SCUBE3: variants seen among roughly 807,000 people sequenced by gnomAD.
SCUBE3 encodes signal peptide, CUB and EGF-like domain-containing protein 3.
In SCUBE3, 33 loss-of-function variants were observed where a neutral mutation model predicts 116.8. The observed-to-expected ratio is 0.28, with a 90% CI of 0.21 to 0.38. The LOEUF (loss-of-function observed/expected upper bound fraction) is 0.38. Ranked by LOEUF, SCUBE3 falls within the 10% of genes least tolerant of loss-of-function variation. The probability of loss-of-function intolerance (pLI) is 1.00; values close to 1 mark genes in which losing one functional copy is unlikely to be tolerated. For synonymous variants in SCUBE3, 418 were observed against 496.9 expected (o/e 0.84, Z 2.11); for missense variants, 1,007 against 1,324.8 (o/e 0.76, Z 3.72).
rs1783411528 is a variant in SCUBE3 at position 35,228,444 on chromosome 6, G to GA, written c.209-169dup. ...TGTACAATGGTAATTAGAAAGACTG[G>GA]ATGGAGACCTGAAAATGTTCATGAC... On this transcript the variant is annotated intron_variant, in intron 2 of 21. Coordinates refer to ENST00000274938, the MANE Select transcript of SCUBE3 (RefSeq NM_152753.4). This position sits in a 1 kb window ranked among gnomAD's most constrained non-coding sequence, Gnocchi z 4.9. 6.6e-6 allele frequency among the ~76,000 whole-genome samples: 1 copy of GA among 152,156 alleles called. No homozygotes were observed. Among genetic ancestry groups the GA allele is most frequent in the Non-Finnish European group, 1.5e-5 (1 of 68,028 alleles).
Position 35,241,333 on chromosome 6 carries a change from A to T in SCUBE3, c.1195+67A>T, listed in dbSNP as rs999532731. 1.2e-5 allele frequency: 18 copies of T among 1,509,944 alleles called. No homozygotes were observed. The African/African-American group carries it at 2.3e-4, about 20-fold the overall frequency. The allele number at this position is 1,509,944 out of a possible 1,614,324, so 93.5% of individuals were successfully genotyped here. A position where few individuals can be genotyped will look rare whatever the true frequency, so the allele number is the denominator to read the frequency against. ...TCAGGGAGCAGTTGGGGTTCTGGAA[A>T]GCATAGAGTATCACATTGGGGAAAG... On this transcript the variant is annotated intron_variant, in intron 10 of 21. Coordinates refer to ENST00000274938, the MANE Select transcript of SCUBE3 (RefSeq NM_152753.4). This position sits in a 1 kb window ranked among gnomAD's most constrained non-coding sequence, Gnocchi z 4.1.
intron 1 of SCUBE3, chr6:35,224,746 T>A (rs773903642): frequency 2.6e-5 from 4 of 151,340 alleles, no homozygotes; most frequent in African/African-American, 9.8e-5. Context: ...AAGGAAAGAA[T>A]TGGGAGCCCA....
intron 2 of SCUBE3, 108 bp downstream of exon 2, chr6:35,227,810 T>C: frequency 2.1e-6 from 2 of 972,978 alleles, no homozygotes; most frequent in South Asian, 1.5e-5. Context: ...GAAATTCCAC[T>C]GGTCAAGTGG....
Position 35,239,863 on chromosome 6 carries a change from G to A in SCUBE3, c.941G>A (p.Arg314Lys), listed in dbSNP as rs1300143444. Residue 314 changes from arginine (R) to lysine (K), a missense_variant, in exon 8 of 22, where the codon AGG (arginine) becomes AAG (lysine). Arg to Lys is a conservative substitution (Grantham distance 26). Around this residue, in one of 5 missense-constraint regions of SCUBE3, gnomAD observed 214 missense variants for 316.7 expected, o/e 0.68. Coordinates refer to ENST00000274938, the MANE Select transcript of SCUBE3 (RefSeq NM_152753.4). The surrounding 1 kb of genome is among the most constrained non-coding windows in gnomAD (Gnocchi z 4.1). ...KKGYKLLINE[R>K]NCQDIDECSF... ...GGCTATAAGCTTCTCATCAATGAGA[G>A]GAACTGCCAGGGTGAGCAGACTCAG... 1.2e-6 allele frequency: 2 copies of A among 1,604,898 alleles called. No homozygotes were observed. The highest frequency in any genetic ancestry group is 4.5e-5 in the East Asian group (2 of 44,484).
chr6:35,226,921 G>A (rs1783353414), intron 1 of SCUBE3, among the ~76,000 whole-genome samples: 1 of 152,218 alleles, frequency 6.6e-6, no homozygotes, highest in Non-Finnish European at 1.5e-5. Context: ...AGGGCCTGAA[G>A]GGCTGCACTT....
Position 35,246,040 on chromosome 6 carries a change from A to T in SCUBE3, c.2696A>T (p.Lys899Met). 2 of 1,614,166 alleles carry T rather than the reference A, an allele frequency of 1.2e-6. No homozygotes were observed. Among genetic ancestry groups the T allele is most frequent in the Non-Finnish European group, 1.7e-6 (2 of 1,180,010 alleles). Reference sequence around the variant, plus strand: ...TCCAGGAAGCTCTGGATCAACTTCAAGACAAGCGAGGCCAACAGCGCCCGT... The same window carrying T: ...TCCAGGAAGCTCTGGATCAACTTCATGACAAGCGAGGCCAACAGCGCCCGT... ...ARSRKLWINF[K>M]TSEANSARGF... Residue 899 changes from lysine to methionine, a missense_variant, in exon 20 of 22, where the codon AAG becomes ATG. Transcript: ENST00000274938.
chr6:35,222,120 A>G (rs1297126676), intron 1 of SCUBE3: 3 of 152,118 alleles, frequency 2.0e-5, no homozygotes, highest in East Asian at 1.9e-4. Context: ...CCCCTCCCCT[A>G]TGGGTGGTAA....
chr6:35,228,554 TG>T lies in SCUBE3; in HGVS notation c.209-55del. 6.3e-7 allele frequency: 1 copy of T among 1,593,698 alleles called. No individual in the cohort carries two copies. The highest frequency in any genetic ancestry group is 8.6e-7 in the Non-Finnish European group (1 of 1,165,050). ...GTAAACACAACCATAAGGCTGAGTC[TG>T]GGGGTGGACAGTGGGTTCGCAGGTG... is the stretch of plus-strand genomic sequence containing the variant. On this transcript the variant is annotated intron_variant, in intron 2 of 21. Coordinates refer to ENST00000274938, the MANE Select transcript of SCUBE3 (RefSeq NM_152753.4). The surrounding 1 kb of genome is among the most constrained non-coding windows in gnomAD (Gnocchi z 4.9).
chr6:35,231,696 T>C lies in SCUBE3; in HGVS notation c.335-29T>C, dbSNP rs753954500. ...TACCCTGGACCCTGCCTGTACCCCATGACCCCACTGACTACCTATCCTGCA... is the reference window on the plus strand; with the variant it reads ...TACCCTGGACCCTGCCTGTACCCCACGACCCCACTGACTACCTATCCTGCA... On this transcript the variant is annotated intron_variant, in intron 3 of 21. Transcript: ENST00000274938. The surrounding 1 kb of genome is among the most constrained non-coding windows in gnomAD (Gnocchi z 4.2). 3.2e-6 allele frequency: 5 copies of C among 1,585,270 alleles called. No individual in the cohort carries two copies. The South Asian group carries it at 5.6e-5, about 18-fold the overall frequency.
rs1057189938 is a variant in SCUBE3, at chr6:35,244,917, G to A, written c.2401+106G>A. On this transcript the variant is annotated intron_variant, in intron 18 of 21. Transcript: ENST00000274938. This position sits in a 1 kb window ranked among gnomAD's most constrained non-coding sequence, Gnocchi z 4.3. The stretch of plus-strand genomic sequence containing the variant: ...ACAGGGAGCAGGGCTGGGGGGTGGA[G>A]GAGCAGGAAAACTCCACCTTCCACC... 3 of 1,173,996 alleles carry A rather than the reference G, an allele frequency of 2.6e-6. No homozygotes were observed. The highest frequency in any genetic ancestry group is 2.0e-5 in the Admixed American group (1 of 49,940). The allele number at this position is 1,173,996 out of a possible 1,614,324, so 72.7% of individuals were successfully genotyped here. A position where few individuals can be genotyped will look rare whatever the true frequency, so the allele number is the denominator to read the frequency against.
chr6:35,242,441 GC>G, intron 13 of SCUBE3, 121 bp downstream of exon 13: 1 of 911,592 alleles, frequency 1.1e-6, no homozygotes, highest in South Asian at 1.5e-5. Flanking sequence ...AGAGGAAAAA[GC>G]AGCTGTAGGC....
At chr6:35,237,384 A>C (rs1422288809) in intron 6 of SCUBE3, among the ~76,000 whole-genome samples, 1 of 152,196 alleles carries the variant, frequency 6.6e-6, no homozygotes, top group African/African-American at 2.4e-5. Flanking sequence ...AGGGGAAGAT[A>C]AATTGATGGG....
intron 14 of SCUBE3, 63 bp from the exon 15 acceptor site, chr6:35,242,958 C>T (rs1457291229): frequency 6.4e-7 from 1 of 1,561,440 alleles, no homozygotes; most frequent in African/African-American, 1.4e-5. Flanking sequence ...AGCTTTGCTC[C>T]CCTGCCCTCC....
chr6:35,232,003 T>C lies in SCUBE3; in HGVS notation c.469+144T>C. The C allele has an allele frequency of 1.3e-6, 1 of 742,670 alleles. No homozygotes were observed. The allele number at this position is 742,670 out of a possible 1,614,324, so 46.0% of individuals were successfully genotyped here. On this transcript the variant is annotated intron_variant, in intron 4 of 21. Coordinates refer to ENST00000274938, the MANE Select transcript of SCUBE3 (RefSeq NM_152753.4). This position sits in a 1 kb window ranked among gnomAD's most constrained non-coding sequence, Gnocchi z 4.2. ...CTTGTCCTTCAACTCAATCACACCCTAAAGGATCTAGGAACAGACACCCTG... is the reference window on the plus strand; with the variant it reads ...CTTGTCCTTCAACTCAATCACACCCCAAAGGATCTAGGAACAGACACCCTG...
At position 35,231,936 on chromosome 6, in the gene SCUBE3, A is replaced by C; in HGVS notation, c.469+77A>C. ...TCCCAGCTGTCCCTCAGCAGCCCCT[A>C]AGTCTCACCCTCCATTCTCAACTCA... On this transcript the variant is annotated intron_variant, in intron 4 of 21. Transcript: ENST00000274938. The surrounding 1 kb of genome is among the most constrained non-coding windows in gnomAD (Gnocchi z 4.2). 2 of 1,281,212 alleles carry C rather than the reference A, an allele frequency of 1.6e-6. No individual in the cohort carries two copies. Among genetic ancestry groups the C allele is most frequent in the East Asian group, 2.4e-5 (1 of 41,414 alleles). The allele number at this position is 1,281,212 out of a possible 1,614,324, so 79.4% of individuals were successfully genotyped here.
chr6:35,216,943 C>G (rs899441692), intron 1 of SCUBE3, among the ~76,000 whole-genome samples: 1 of 151,814 alleles, frequency 6.6e-6, no homozygotes, highest in African/African-American at 2.4e-5. Context: ...ATGAGAGGTT[C>G]ACCACAGTTA....
rs780527149 is a variant in SCUBE3 at position 35,231,741 on chromosome 6, C to T, written c.351C>T (p.Ala117=). The change falls in exon 4 of 22, where the codon GCC becomes GCT. Residue 117 remains alanine (A), a synonymous_variant. Coordinates refer to ENST00000274938, the MANE Select transcript of SCUBE3 (RefSeq NM_152753.4). The surrounding 1 kb of genome is among the most constrained non-coding windows in gnomAD (Gnocchi z 4.2). ...GHNCLDVDEC[A]EGNGGCQQSC... is the part of the protein sequence containing the mutation. Reference sequence around the variant, plus strand: ...CCTGCACAGATGTGGACGAGTGTGCCGAGGGCAACGGCGGCTGTCAGCAGA... The same window carrying T: ...CCTGCACAGATGTGGACGAGTGTGCTGAGGGCAACGGCGGCTGTCAGCAGA... The T allele has an allele frequency of 7.7e-5, 124 of 1,612,294 alleles. 1 individual carries two copies. The highest frequency in any genetic ancestry group is 3.0e-4 in the Admixed American group (18 of 59,944).
At position 35,250,733 on chromosome 6, in the gene SCUBE3, T is replaced by TTTTTC. The variant is rs1562065390; in HGVS notation, c.*2029_*2030insTTTCT. The TTTTTC allele has an allele frequency of 3.9e-5, 1 of 25,816 alleles. No individual in the cohort carries two copies. The allele number at this position is 25,816 out of a possible 1,614,324, so 1.6% of individuals were successfully genotyped here. On this transcript the variant is annotated 3_prime_UTR_variant, in exon 22 of 22. Transcript: ENST00000274938. The stretch of plus-strand genomic sequence containing the variant: ...ATTTCTTTTTTTTTTTTTTTTCTTT[T>TTTTTC]TAACTCTCCTGGTAACTCACAGAAC...
rs1190334598 is a variant in SCUBE3, at chr6:35,228,522, T to C, written c.209-92T>C. 2 of 1,378,994 alleles carry C rather than the reference T, an allele frequency of 1.5e-6. No individual in the cohort carries two copies. The highest frequency in any genetic ancestry group is 2.0e-6 in the Non-Finnish European group (2 of 989,474). The allele number at this position is 1,378,994 out of a possible 1,614,324, so 85.4% of individuals were successfully genotyped here. On this transcript the variant is annotated intron_variant, in intron 2 of 21. Transcript: ENST00000274938. This position sits in a 1 kb window ranked among gnomAD's most constrained non-coding sequence, Gnocchi z 4.9. ...CTAAATGGCTTATAGGCCATGAACA[T>C]AACTATGTAAACACAACCATAAGGC... is the stretch of plus-strand genomic sequence containing the variant.
Sources: gnomAD v4.1 joint callset for allele counts (sites outside exome capture counted in the v4.1 genomes callset) on GRCh38, gnomAD v4.1.1 for gene constraint, gnomAD v4.1.1 regional missense constraint, Gnocchi (gnomAD v3.1) non-coding constraint, MANE v1.5 for transcripts, NCBI Gene and HGNC (gene_info 2026-07-23, HGNC 2026-07-21) for gene names.